Variants in LRRTM4 observed in about 807,000 individuals in gnomAD.
The protein encoded by LRRTM4 is leucine-rich repeat transmembrane neuronal protein 4.
Under a neutral mutation model 47.6 loss-of-function variants are expected in LRRTM4, and 25 were observed. That is an observed-to-expected ratio of 0.53 (90% confidence interval 0.38 to 0.73). The LOEUF is 0.73. LRRTM4 is among the 30% of genes least tolerant of loss of function. The pLI, the probability that LRRTM4 is intolerant of heterozygous loss-of-function variation, is 0.00. For synonymous variants in LRRTM4, 311 were observed against 269.5 expected (o/e 1.15, Z -1.51); for missense variants, 638 against 713.4 (o/e 0.89, Z 1.20).
chr2:77,296,212 A>G (rs940321473), intron 3 of LRRTM4, among the ~76,000 whole-genome samples: 1 of 152,172 alleles, frequency 6.6e-6, no homozygotes, highest in Non-Finnish European at 1.5e-5. Context: ...ATTCCCCAAT[A>G]TTTTCCCCAA....
intron 3 of LRRTM4, among the ~76,000 whole-genome samples, chr2:76,761,653 T>G (rs139993069): frequency 5.1e-4 from 78 of 152,274 alleles, no homozygotes; most frequent in African/African-American, 1.9e-3. Context: ...CCATTCCACT[T>G]TGCACTATAG....
chr2:77,477,716 T>G (rs1677460539), intron 3 of LRRTM4, among the ~76,000 whole-genome samples: 4 of 150,968 alleles, frequency 2.6e-5, no homozygotes, highest in Admixed American at 2.6e-4. Flanking sequence ...AAATTAGCTC[T>G]GTGTGGTGGC....
At chr2:77,359,558 T>C (rs1672099180) in intron 3 of LRRTM4, among the ~76,000 whole-genome samples, 1 of 152,190 alleles carries the variant, frequency 6.6e-6, no homozygotes, top group Non-Finnish European at 1.5e-5. Context: ...ATAGTACACT[T>C]AGGTTTTATG....
At chr2:76,906,153 A>G (rs1336882158) in intron 3 of LRRTM4, among the ~76,000 whole-genome samples, 3 of 152,262 alleles carry the variant, frequency 2.0e-5, no homozygotes, top group East Asian at 1.9e-4. Flanking sequence ...ATCTCTCAGC[A>G]GAAACTCTAC....
rs544093138 is a variant in LRRTM4, at chr2:77,041,806, G to A, written c.1552-292890C>T. Among the ~76,000 whole-genome samples the A allele has an allele frequency of 9.4e-5, 14 of 149,314 alleles. No homozygotes were observed. The South Asian group carries it at 2.3e-3, about 25-fold the overall frequency. On this transcript the variant is annotated intron_variant, in intron 3 of 3. Coordinates refer to ENST00000409884, the MANE Select transcript of LRRTM4 (RefSeq NM_001134745.3). Reference sequence around the variant, plus strand: ...ATTAGGTCGGTGCAAAAATCATTGCGGTTTTTGCTTTTGAAAGTAATGGCA... The same window carrying A: ...ATTAGGTCGGTGCAAAAATCATTGCAGTTTTTGCTTTTGAAAGTAATGGCA...
chr2:77,362,157 G>GAAAGAA (rs927275254), intron 3 of LRRTM4, among the ~76,000 whole-genome samples: 2 of 151,378 alleles, frequency 1.3e-5, no homozygotes, highest in Non-Finnish European at 2.9e-5. Context: ...AAGAAAGAAA[G>GAAAGAA]AAAGAAAGAA....
intron 3 of LRRTM4, among the ~76,000 whole-genome samples, chr2:76,915,942 C>A (rs913118278): frequency 6.6e-6 from 1 of 151,888 alleles, no homozygotes; most frequent in Non-Finnish European, 1.5e-5. Flanking sequence ...TAATCTTTGC[C>A]TCTTAAAAGG....
chr2:77,365,571 T>G (rs537005777), intron 3 of LRRTM4, among the ~76,000 whole-genome samples: 1 of 152,020 alleles, frequency 6.6e-6, no homozygotes, highest in South Asian at 2.1e-4. Flanking sequence ...TTTACTAAAG[T>G]TACTTTATCA....
chr2:77,453,176 A>ATTTT (rs1162461607), intron 3 of LRRTM4, among the ~76,000 whole-genome samples: 26 of 99,528 alleles, frequency 2.6e-4, no homozygotes, highest in Non-Finnish European at 4.0e-4. Context: ...TTTCTTCTTG[A>ATTTT]TTTTTTTTTT....
chr2:76,968,930 A>AG (rs1676129881), intron 3 of LRRTM4, among the ~76,000 whole-genome samples: 1 of 151,850 alleles, frequency 6.6e-6, no homozygotes, highest in South Asian at 2.1e-4. Flanking sequence ...GTCAGTGCCT[A>AG]GGGATTTGTC....
intron 3 of LRRTM4, among the ~76,000 whole-genome samples, chr2:77,318,884 CT>C (rs57950102): frequency 0.15 from 22,567 of 149,958 alleles, 2,717 homozygotes; most frequent in African/African-American, 0.33. Flanking sequence ...CCTACTTGCT[CT>C]TTTTTTTTTA....
intron 3 of LRRTM4, among the ~76,000 whole-genome samples, chr2:76,995,237 A>G (rs931510475): frequency 6.6e-6 from 1 of 152,096 alleles, no homozygotes; most frequent in African/African-American, 2.4e-5. Flanking sequence ...AAGTTTACAC[A>G]TATTTTAAAA....
intron 3 of LRRTM4, among the ~76,000 whole-genome samples, chr2:76,964,463 C>A (rs998471059): frequency 1.3e-5 from 2 of 150,878 alleles, no homozygotes; most frequent in Non-Finnish European, 3.0e-5. Flanking sequence ...TCTGCATCAT[C>A]CTCCAACAAA....
intron 3 of LRRTM4, among the ~76,000 whole-genome samples, chr2:77,485,736 A>G (rs1247478824): frequency 5.9e-5 from 9 of 152,104 alleles, no homozygotes; most frequent in Admixed American, 5.2e-4. Flanking sequence ...TGACACTATT[A>G]TTACTATTTT....
chr2:77,412,614 C>G (rs1674486924), intron 3 of LRRTM4, among the ~76,000 whole-genome samples: 1 of 152,158 alleles, frequency 6.6e-6, no homozygotes, highest in Non-Finnish European at 1.5e-5. Context: ...ACAGCCGTGT[C>G]TGTGCAATCA....
intron 3 of LRRTM4, among the ~76,000 whole-genome samples, chr2:77,088,590 C>T (rs1289328981): frequency 1.3e-5 from 2 of 152,170 alleles, no homozygotes; most frequent in African/African-American, 4.8e-5. Context: ...TTTTCGGACT[C>T]AGCCCGCCTG....
chr2:77,132,919 GGAA>G (rs1671840868), intron 3 of LRRTM4, among the ~76,000 whole-genome samples: 1 of 152,024 alleles, frequency 6.6e-6, no homozygotes. Context: ...AAGTGGAGGA[GGAA>G]GAAGATAGAT....
intron 3 of LRRTM4, among the ~76,000 whole-genome samples, chr2:77,330,741 C>CT (rs1230944305): frequency 6.6e-6 from 1 of 151,884 alleles, no homozygotes; most frequent in Admixed American, 6.6e-5. Flanking sequence ...TTATACTCAT[C>CT]TTTTTTGTTG....
intron 3 of LRRTM4, among the ~76,000 whole-genome samples, chr2:77,204,664 T>C (rs1222138081): frequency 3.9e-5 from 6 of 152,172 alleles, no homozygotes; most frequent in Admixed American, 3.9e-4. Context: ...TCCCAAATCA[T>C]AACACTTTCT....
Sources: allele counts gnomAD v4.1 joint callset (sites outside exome capture counted in the v4.1 genomes callset), GRCh38; gene constraint gnomAD v4.1.1; transcripts MANE v1.5; gene names NCBI Gene and HGNC (gene_info 2026-07-23, HGNC 2026-07-21).